The following EIF4G3 variants were observed in gnomAD, a reference collection of about 807,000 sequenced individuals.
EIF4G3 encodes the protein eukaryotic translation initiation factor 4 gamma 3, also known as eIF-4-gamma 3.
In EIF4G3, 34 loss-of-function variants were observed where a neutral mutation model predicts 186.4. The observed-to-expected ratio is 0.18, with a 90% CI of 0.14 to 0.24. EIF4G3 has a LOEUF of 0.24. Among genes scored for constraint, EIF4G3 ranks in the 10% least tolerant of loss-of-function variants. The pLI is 1.00. For missense variants in EIF4G3, 1,536 were observed against 1,948.5 expected, an observed-to-expected ratio of 0.79 and a Z score of 3.99; for synonymous variants, 673 against 679.5, an observed-to-expected ratio of 0.99 and a Z score of 0.15.
intron 2 of EIF4G3, among the ~76,000 whole-genome samples, chr1:21,170,214 C>T (rs1425412434): frequency 2.0e-5 from 3 of 151,622 alleles, no homozygotes; most frequent in Non-Finnish European, 4.4e-5. Context: ...AACAAACAAA[C>T]AAATAAATTT....
intron 20 of EIF4G3, among the ~76,000 whole-genome samples, chr1:20,870,048 T>C (rs970985000): frequency 6.6e-6 from 1 of 151,968 alleles, no homozygotes; most frequent in East Asian, 1.9e-4. Flanking sequence ...TGGTCAGTTA[T>C]GAAAGTATAA....
intron 2 of EIF4G3, among the ~76,000 whole-genome samples, chr1:21,174,191 A>G (rs2098051957): frequency 6.6e-6 from 1 of 152,122 alleles, no homozygotes; most frequent in Non-Finnish European, 1.5e-5. Flanking sequence ...ATTGGTTTAA[A>G]ATTATCTACA....
chr1:20,827,121 TCTCTCATCC>T (rs976839989), intron 32 of EIF4G3, among the ~76,000 whole-genome samples: 5 of 152,176 alleles, frequency 3.3e-5, no homozygotes, highest in African/African-American at 9.7e-5. Flanking sequence ...TGTTTTGACA[TCTCTCATCC>T]CTCTCATCCT....
At chr1:20,858,051 T>C (rs1216674452) in intron 24 of EIF4G3, among the ~76,000 whole-genome samples, 1 of 152,182 alleles carries the variant, frequency 6.6e-6, no homozygotes, top group Non-Finnish European at 1.5e-5. Context: ...ATTAGCAGTT[T>C]TGTTTAAGCC....
At chr1:20,870,420 A>G (rs1386201601) in intron 20 of EIF4G3, among the ~76,000 whole-genome samples, 1 of 152,112 alleles carries the variant, frequency 6.6e-6, no homozygotes, top group Non-Finnish European at 1.5e-5. Flanking sequence ...TAACAAAACT[A>G]CAGTCTCAGG....
chr1:20,862,911 A>G (rs1490248512), intron 22 of EIF4G3, among the ~76,000 whole-genome samples: 2 of 151,978 alleles, frequency 1.3e-5, no homozygotes, highest in Non-Finnish European at 2.9e-5. Context: ...AGTAGCTGGG[A>G]CCACAGACAG....
intron 19 of EIF4G3, among the ~76,000 whole-genome samples, 153 bp downstream of exon 19, chr1:20,886,048 C>T (rs1165704456): frequency 6.6e-6 from 1 of 152,160 alleles, no homozygotes; most frequent in African/African-American, 2.4e-5. Context: ...GGTTGCCTGG[C>T]ATCCATAATG....
intron 30 of EIF4G3, among the ~76,000 whole-genome samples, chr1:20,835,757 G>C (rs1051516474): frequency 8.5e-5 from 13 of 152,100 alleles, no homozygotes; most frequent in African/African-American, 2.4e-4. Flanking sequence ...GGGCAACATA[G>C]TGAGACACCA....
chr1:21,094,971 CT>C (rs917763297), intron 2 of EIF4G3, among the ~76,000 whole-genome samples: 4 of 152,064 alleles, frequency 2.6e-5, no homozygotes, highest in African/African-American at 9.7e-5. Flanking sequence ...TTCCTTTGCT[CT>C]CCTTACCTTT....
chr1:21,038,356 T>C (rs2093360690), intron 4 of EIF4G3, among the ~76,000 whole-genome samples: 2 of 152,212 alleles, frequency 1.3e-5, no homozygotes, highest in African/African-American at 4.8e-5. Context: ...CCAACAAAAG[T>C]ATTCTACAAT....
chr1:20,940,388 G>A (rs1482025250), intron 14 of EIF4G3, among the ~76,000 whole-genome samples: 1 of 152,144 alleles, frequency 6.6e-6, no homozygotes, highest in Non-Finnish European at 1.5e-5. Flanking sequence ...AAGATGTTCT[G>A]CAGTTCCAAA....
intron 2 of EIF4G3, among the ~76,000 whole-genome samples, chr1:21,131,543 A>C: frequency 6.6e-6 from 1 of 152,138 alleles, no homozygotes; most frequent in East Asian, 1.9e-4. Flanking sequence ...CAAACACACA[A>C]GCCTGGAAAC....
chr1:20,944,152 T>C (rs1297747579), intron 13 of EIF4G3, among the ~76,000 whole-genome samples: 5 of 151,946 alleles, frequency 3.3e-5, no homozygotes, highest in South Asian at 2.1e-4. Flanking sequence ...CCAGATTACA[T>C]AATACCACTG....
chr1:21,081,790 C>T (rs537441270), intron 3 of EIF4G3, among the ~76,000 whole-genome samples: 42 of 151,968 alleles, frequency 2.8e-4, no homozygotes, highest in Middle Eastern at 6.8e-3. Context: ...TACTGGCTCA[C>T]GCCACCATAC....
intron 16 of EIF4G3, among the ~76,000 whole-genome samples, chr1:20,899,103 C>T (rs1270115050): frequency 6.6e-6 from 1 of 152,182 alleles, no homozygotes; most frequent in Non-Finnish European, 1.5e-5. Context: ...CAAAGTCAGT[C>T]ACAGTTTATA....
chr1:21,077,692 C>A (rs148286767), intron 3 of EIF4G3, among the ~76,000 whole-genome samples: 4 of 151,434 alleles, frequency 2.6e-5, no homozygotes, highest in African/African-American at 7.3e-5. Flanking sequence ...ACCAGGCTGA[C>A]CAACATGGAG....
intron 30 of EIF4G3, among the ~76,000 whole-genome samples, chr1:20,837,879 C>G (rs2067224336): frequency 6.6e-6 from 1 of 152,112 alleles, no homozygotes. Context: ...TCAGGCCTCT[C>G]CATTTAGAAT....
chr1:21,147,677 C>A (rs1360291012), intron 2 of EIF4G3, among the ~76,000 whole-genome samples: 1 of 151,912 alleles, frequency 6.6e-6, no homozygotes, highest in African/African-American at 2.4e-5. Flanking sequence ...AATACATGAG[C>A]CTAGGACATG....
chr1:21,144,418 C>A (rs904361943), intron 2 of EIF4G3, among the ~76,000 whole-genome samples: 6 of 151,784 alleles, frequency 4.0e-5, no homozygotes, highest in Non-Finnish European at 5.9e-5. Flanking sequence ...AGCAGCACAC[C>A]CATCTTTTTT....
Sources: allele counts gnomAD v4.1 joint callset (sites outside exome capture counted in the v4.1 genomes callset), GRCh38; gene constraint gnomAD v4.1.1; transcripts MANE v1.5; gene names NCBI Gene and HGNC (gene_info 2026-07-23, HGNC 2026-07-21).